The following ZBTB49 variants were observed in gnomAD, a reference collection of about 807,000 sequenced individuals.
The protein encoded by ZBTB49 is zinc finger and BTB domain containing 49, also known as zinc finger and BTB domain-containing protein 49.
ZBTB49 carries 43 observed loss-of-function variants against 57.5 expected under a neutral mutation model. That is an observed-to-expected ratio of 0.75 (90% CI 0.59 to 0.97). ZBTB49 has a LOEUF of 0.97. Ranked by LOEUF, ZBTB49 falls within the 50% of genes least tolerant of loss-of-function variation. The probability of loss-of-function intolerance (pLI) is 0.00; values close to 1 mark genes in which losing one functional copy is unlikely to be tolerated. For synonymous variants in ZBTB49, 369 were observed against 362.1 expected (o/e 1.02, Z -0.22); for missense variants, 938 against 947.7 (o/e 0.99, Z 0.13).
chr4:4,303,139 T>C, intron 3 of ZBTB49, 48 bp downstream of exon 3: 1 of 1,505,272 alleles, frequency 6.6e-7, no homozygotes, highest in Non-Finnish European at 8.9e-7. Flanking sequence ...GTAATGCGGA[T>C]GCTCAGACAC....
chr4:4,296,419 C>T (rs1042739330), intron 1 of ZBTB49, among the ~76,000 whole-genome samples: 3 of 152,292 alleles, frequency 2.0e-5, no homozygotes, highest in South Asian at 4.2e-4. Flanking sequence ...GTCTTTCCCA[C>T]GCTGTTCTCA....
intron 1 of ZBTB49, among the ~76,000 whole-genome samples, chr4:4,294,914 T>TGC (rs1720121153): frequency 6.8e-6 from 1 of 147,166 alleles, no homozygotes; most frequent in Non-Finnish European, 1.5e-5. Context: ...TGTGTGTGTG[T>TGC]GTTTAATGTC....
chr4:4,320,514 C>A, intron 7 of ZBTB49, 126 bp from the exon 8 acceptor site: 1 of 1,171,932 alleles, frequency 8.5e-7, no homozygotes. Flanking sequence ...GTGTCATGCG[C>A]CTGTCGTCCC....
chr4:4,305,460 A>G (rs1160290553), intron 3 of ZBTB49, among the ~76,000 whole-genome samples: 1 of 152,206 alleles, frequency 6.6e-6, no homozygotes, highest in Non-Finnish European at 1.5e-5. Flanking sequence ...TTAAATTCAG[A>G]TCATGTTCTG....
intron 4 of ZBTB49, among the ~76,000 whole-genome samples, chr4:4,312,111 A>T (rs10033534): frequency 0.24 from 36,612 of 152,088 alleles, 4,902 homozygotes; most frequent in Admixed American, 0.32. Flanking sequence ...CTTGTGCATG[A>T]CACCTGCTCA....
intron 1 of ZBTB49, among the ~76,000 whole-genome samples, chr4:4,290,850 A>C (rs1007076272): frequency 2.6e-5 from 4 of 152,220 alleles, no homozygotes; most frequent in African/African-American, 9.7e-5. Flanking sequence ...CGAATGTCAT[A>C]GCGGCACCTG....
intron 7 of ZBTB49, among the ~76,000 whole-genome samples, chr4:4,317,513 C>T (rs929000534): frequency 6.6e-6 from 1 of 152,120 alleles, no homozygotes; most frequent in Admixed American, 6.5e-5. Context: ...CTGGCTGCCA[C>T]TCATCTAGGT....
In ZBTB49 at chr4:4,315,943, G is replaced by A; in HGVS notation, c.1594G>A (p.Glu532Lys). 6.2e-7 allele frequency: 1 copy of A among 1,614,038 alleles called. No homozygotes were observed. The highest frequency in any genetic ancestry group is 8.5e-7 in the Non-Finnish European group (1 of 1,180,020). The change falls in exon 7 of 8, where the codon GAG becomes AAG. Residue 532 changes from glutamate to lysine, a missense_variant. Physicochemically the swap from Glu to Lys is moderately conservative, Grantham distance 56 (BLOSUM62 1). Transcript: ENST00000337872. ...LVKHRIRHTG[E>K]RPYSCSACGK... ...AAAGCACAGAATTCGGCACACGGGG[G>A]AGCGGCCTTACAGCTGCTCTGCCTG...
intron 7 of ZBTB49, among the ~76,000 whole-genome samples, chr4:4,317,562 T>C (rs1721240312): frequency 6.6e-6 from 1 of 152,200 alleles, no homozygotes; most frequent in African/African-American, 2.4e-5. Context: ...ACATTTACTA[T>C]GCATGGACTC....
At chr4:4,293,922 C>G (rs536660107) in intron 1 of ZBTB49, among the ~76,000 whole-genome samples, 1 of 152,338 alleles carries the variant, frequency 6.6e-6, no homozygotes, top group South Asian at 2.1e-4. Flanking sequence ...TAAGGCAGAG[C>G]CTGTGCAGGA....
At chr4:4,310,129 A>C (rs1410722908) in intron 4 of ZBTB49, among the ~76,000 whole-genome samples, 1 of 152,232 alleles carries the variant, frequency 6.6e-6, no homozygotes, top group African/African-American at 2.4e-5. Flanking sequence ...GAAGGAGTTT[A>C]TTATAAAAAT....
intron 1 of ZBTB49, among the ~76,000 whole-genome samples, chr4:4,294,229 C>T (rs1720079836): frequency 6.6e-6 from 1 of 152,046 alleles, no homozygotes; most frequent in African/African-American, 2.4e-5. Context: ...CTTTTTATAA[C>T]CTCATTGGGG....
chr4:4,302,476 T>G lies in ZBTB49; in HGVS notation c.640T>G (p.Tyr214Asp), dbSNP rs761951785. Reference protein sequence around the residue: ...ELPFKQPNYYYKLRNFYSKQY... With the variant: ...ELPFKQPNYYDKLRNFYSKQY... ...GCCTTTCAAACAGCCAAATTACTAT[T>G]ACAAACTCAGAAACTTTTACAGTAA... Residue 214 changes from tyrosine (Y) to aspartate (D), a missense_variant, in exon 3 of 8, where the codon TAC (tyrosine) becomes GAC (aspartate). Physicochemically the swap from Tyr to Asp is radical, Grantham distance 160. Transcript: ENST00000337872. 2 of 1,614,156 alleles carry G rather than the reference T, an allele frequency of 1.2e-6. No homozygotes were observed.
chr4:4,319,293 T>C (rs1721314747), intron 7 of ZBTB49, among the ~76,000 whole-genome samples: 1 of 152,172 alleles, frequency 6.6e-6, no homozygotes, highest in Non-Finnish European at 1.5e-5. Flanking sequence ...AGCCTAGCCA[T>C]TGCTTGACTG....
At chr4:4,294,441 C>T (rs938619156) in intron 1 of ZBTB49, among the ~76,000 whole-genome samples, 1 of 152,166 alleles carries the variant, frequency 6.6e-6, no homozygotes, top group African/African-American at 2.4e-5. Context: ...ACTGGAACCT[C>T]GGCCTTCTGG....
chr4:4,311,802 T>G (rs1160622090), intron 4 of ZBTB49, among the ~76,000 whole-genome samples: 1 of 152,238 alleles, frequency 6.6e-6, no homozygotes, highest in Non-Finnish European at 1.5e-5. Context: ...CTCTTTCTCT[T>G]TGGTTGTTGA....
chr4:4,303,784 C>CTCTCTA (rs142405692), intron 3 of ZBTB49, among the ~76,000 whole-genome samples: 84 of 145,900 alleles, frequency 5.8e-4, no homozygotes, highest in Admixed American at 8.2e-4. Context: ...CTCTCTCTCT[C>CTCTCTA]TATATATATA....
chr4:4,314,822 C>T (rs1162120748), intron 5 of ZBTB49, among the ~76,000 whole-genome samples: 4 of 152,222 alleles, frequency 2.6e-5, no homozygotes, highest in Admixed American at 2.0e-4. Flanking sequence ...TAGTAACCGC[C>T]TCTGAACTTG....
chr4:4,295,039 A>G (rs1173197105), intron 1 of ZBTB49, among the ~76,000 whole-genome samples: 1 of 152,132 alleles, frequency 6.6e-6, no homozygotes, highest in East Asian at 1.9e-4. Flanking sequence ...TAAGTGACTT[A>G]AAGTCTCCAT....
Sources: allele counts gnomAD v4.1 joint callset (sites outside exome capture counted in the v4.1 genomes callset), GRCh38; gene constraint gnomAD v4.1.1; transcripts MANE v1.5; gene names NCBI Gene and HGNC (gene_info 2026-07-23, HGNC 2026-07-21).